The following SASH1 variants were observed in gnomAD, a reference collection of about 807,000 sequenced individuals.
The protein encoded by SASH1 is SAM and SH3 domain-containing protein 1.
Under a neutral mutation model 125.2 loss-of-function variants are expected in SASH1, and 44 were observed. The ratio of observed to expected loss-of-function variants is 0.35; its 90% CI spans 0.28 to 0.45. The LOEUF (loss-of-function observed/expected upper bound fraction) is 0.45, where lower values mean the gene tolerates loss of function less well. SASH1 is among the 20% of genes least tolerant of loss of function. SASH1 has a pLI of 1.00. For missense variants in SASH1, 1,426 were observed against 1,614.5 expected, an observed-to-expected ratio of 0.88 and a Z score of 2.00; for synonymous variants, 639 against 649.1, an observed-to-expected ratio of 0.98 and a Z score of 0.24.
intron 11 of SASH1, among the ~76,000 whole-genome samples, chr6:148,525,676 G>C (rs899238908): frequency 6.6e-6 from 1 of 152,072 alleles, no homozygotes; most frequent in African/African-American, 2.4e-5. Flanking sequence ...TTTTGCACAC[G>C]GCCTTTTCTT....
At chr6:148,359,679 A>G (rs79978524) in intron 1 of SASH1, among the ~76,000 whole-genome samples, 328 of 152,340 alleles carry the variant, frequency 2.2e-3, no homozygotes, top group Middle Eastern at 0.014. Context: ...GTAAAGTGCT[A>G]TCACACAGTA....
the SASH1 span, among the ~76,000 whole-genome samples, chr6:148,207,506 G>C: frequency 3.3e-5 from 5 of 152,274 alleles, no homozygotes; most frequent in East Asian, 9.6e-4. Flanking sequence ...AAGCTTATTA[G>C]TGAAATGATG....
Position 148,527,425 on chromosome 6 carries a change from A to G in SASH1, c.1285-28A>G, listed in dbSNP as rs544923805. On this transcript the variant is annotated intron_variant, in intron 11 of 19. Coordinates refer to ENST00000367467, the MANE Select transcript of SASH1 (RefSeq NM_015278.5). Reference sequence around the variant, plus strand: ...ACCTGTTCTTCATTTTCTGCGACCAACAATACTTGCAACATTTTGTTTTAC... The same window carrying G: ...ACCTGTTCTTCATTTTCTGCGACCAGCAATACTTGCAACATTTTGTTTTAC... 9.0e-6 allele frequency: 14 copies of G among 1,547,854 alleles called. No individual in the cohort carries two copies. In the South Asian group the frequency reaches 1.5e-4, roughly 17 times the overall value.
chr6:148,462,058 C>T (rs1259429646), intron 4 of SASH1, among the ~76,000 whole-genome samples: 3 of 152,064 alleles, frequency 2.0e-5, no homozygotes, highest in Non-Finnish European at 4.4e-5. Flanking sequence ...GGAGAAAAGG[C>T]TGCTACTGGC....
intron 2 of SASH1, among the ~76,000 whole-genome samples, chr6:148,437,165 C>T (rs1776326796): frequency 1.3e-5 from 2 of 152,180 alleles, no homozygotes; most frequent in Non-Finnish European, 2.9e-5. Flanking sequence ...ATGTGACACT[C>T]ATCAGTGTTA....
chr6:148,292,579 G>A (rs1211855212), intron 1 of SASH1, among the ~76,000 whole-genome samples: 1 of 152,128 alleles, frequency 6.6e-6, no homozygotes, highest in African/African-American at 2.4e-5. Flanking sequence ...GGGTGTAAAG[G>A]GCATGTTACT....
At position 148,310,906 on chromosome 6, in the gene SASH1, AAGTC is replaced by A. The variant is rs1204635697; in HGVS notation, n.74+38534_74+38537del. Among the ~76,000 whole-genome samples, 4 of 152,190 alleles carry A rather than the reference AAGTC, an allele frequency of 2.6e-5. No homozygotes were observed. In the East Asian group the frequency reaches 7.7e-4, roughly 29 times the overall value. On this transcript the variant is annotated intron_variant and non_coding_transcript_variant, in intron 1 of 3. Coordinates refer to the SASH1 transcript ENST00000367469. ...CTATTGGAATAGAAAATGGTGTAGA[AAGTC>A]AGTCTGACAGGGTTTTGTTTGTTTG...
the SASH1 span, among the ~76,000 whole-genome samples, chr6:148,227,121 GTGGTTTT>G: frequency 1.3e-3 from 195 of 152,254 alleles, 1 homozygote; most frequent in African/African-American, 4.6e-3. Context: ...AATGTTCCTT[GTGGTTTT>G]AGGCACCCTA....
chr6:148,541,584 T>C (rs1233161713), intron 17 of SASH1, among the ~76,000 whole-genome samples: 1 of 152,090 alleles, frequency 6.6e-6, no homozygotes, highest in African/African-American at 2.4e-5. Context: ...TATTTCTTAC[T>C]GGGAATCATG....
At chr6:148,492,125 TAGA>T (rs1779133824) in intron 8 of SASH1, among the ~76,000 whole-genome samples, 1 of 152,232 alleles carries the variant, frequency 6.6e-6, no homozygotes, top group Admixed American at 6.5e-5. Context: ...AGGGAGAGGT[TAGA>T]AGACTTTGTC....
chr6:148,462,641 G>A (rs752072507), intron 4 of SASH1, among the ~76,000 whole-genome samples: 3 of 152,146 alleles, frequency 2.0e-5, no homozygotes, highest in Admixed American at 2.0e-4. Flanking sequence ...GTGAGGTTTG[G>A]TGTTGAAAAC....
At chr6:148,513,082 ACTT>A (rs954262426) in intron 8 of SASH1, 50 of 985,188 alleles carry the variant, frequency 5.1e-5, no homozygotes, top group African/African-American at 8.7e-5. Context: ...TAGAAACTCT[ACTT>A]CTTCTTCTCT....
At chr6:148,421,557 G>A (rs1785106699) in intron 2 of SASH1, among the ~76,000 whole-genome samples, 1 of 152,206 alleles carries the variant, frequency 6.6e-6, no homozygotes, top group African/African-American at 2.4e-5. Flanking sequence ...ACCCACCTTG[G>A]CCTCCCAAAG....
the SASH1 span, among the ~76,000 whole-genome samples, chr6:148,199,861 A>AAAGGAAAGG: frequency 6.6e-6 from 1 of 152,104 alleles, no homozygotes; most frequent in African/African-American, 2.4e-5. Context: ...GAAAGGAAAG[A>AAAGGAAAGG]AAAGAGAAGG....
intron 4 of SASH1, among the ~76,000 whole-genome samples, chr6:148,451,155 A>G (rs1025904360): frequency 6.6e-5 from 10 of 152,190 alleles, no homozygotes; most frequent in Admixed American, 5.2e-4. Context: ...GTCCAGAATA[A>G]TGGTTTGCAC....
intron 2 of SASH1, among the ~76,000 whole-genome samples, chr6:148,432,086 A>G (rs908860807): frequency 6.6e-6 from 1 of 150,986 alleles, no homozygotes; most frequent in East Asian, 2.0e-4. Flanking sequence ...AGCGATTCTG[A>G]TGCCTCAGCC....
At chr6:148,458,983 T>TAC (rs71004297) in intron 4 of SASH1, among the ~76,000 whole-genome samples, 4,275 of 137,890 alleles carry the variant, frequency 0.031, 73 homozygotes, top group African/African-American at 0.052. Flanking sequence ...AAAAAAAGTA[T>TAC]ACACACACAC....
intron 1 of SASH1, among the ~76,000 whole-genome samples, chr6:148,307,335 C>T (rs1036109057): frequency 6.6e-6 from 1 of 151,890 alleles, no homozygotes; most frequent in Non-Finnish European, 1.5e-5. Context: ...TCAGGCTGGT[C>T]TCAAACCCCT....
intron 1 of SASH1, among the ~76,000 whole-genome samples, chr6:148,290,319 G>A (rs77016716): frequency 0.044 from 6,712 of 151,550 alleles, 232 homozygotes; most frequent in Admixed American, 0.11. Flanking sequence ...TAATGAAAAC[G>A]TTCTTGGCCG....
Sources: allele counts gnomAD v4.1 joint callset (sites outside exome capture counted in the v4.1 genomes callset), GRCh38; gene constraint gnomAD v4.1.1; transcripts MANE v1.5; gene names NCBI Gene and HGNC (gene_info 2026-07-23, HGNC 2026-07-21).